The following NEK1 variants were observed in gnomAD, a reference collection of about 807,000 sequenced individuals.
NEK1 encodes NIMA related kinase 1.
Under a neutral mutation model 182.1 loss-of-function variants are expected in NEK1, and 137 were observed. That is an observed-to-expected ratio of 0.75 (90% CI 0.65 to 0.87). NEK1 has a LOEUF of 0.87. Ranked by LOEUF, NEK1 falls within the 40% of genes least tolerant of loss-of-function variation. The pLI is 0.00. For synonymous variants in NEK1, 513 were observed against 492.2 expected (o/e 1.04, Z -0.56); for missense variants, 1,391 against 1,494.4 (o/e 0.93, Z 1.14).
rs576206092 is a variant in NEK1, at chr4:169,570,559, G to A, written c.1020+6369C>T. On this transcript the variant is annotated intron_variant, in intron 12 of 35. Coordinates refer to ENST00000507142, the MANE Select transcript of NEK1 (RefSeq NM_001199397.3). ...TACCCGTCCGGGAGGGAGGTGGGGG[G>A]GTCAGCCCCCCGCCCGGCCAGCCGC... 3.7e-4 allele frequency among the ~76,000 whole-genome samples: 55 copies of A among 150,454 alleles called. 1 individual carries two copies. In the South Asian group the frequency reaches 7.6e-3, roughly 21 times the overall value.
At chr4:169,564,163 A>G (rs115520737) in intron 12 of NEK1, among the ~76,000 whole-genome samples, 8,359 of 152,178 alleles carry the variant, frequency 0.055, 282 homozygotes, top group South Asian at 0.1. Flanking sequence ...AATTTATAGA[A>G]AAGTTTAAGT....
intron 23 of NEK1, among the ~76,000 whole-genome samples, chr4:169,488,936 GCAA>G (rs1749546868): frequency 6.6e-6 from 1 of 151,990 alleles, no homozygotes; most frequent in South Asian, 2.1e-4. Context: ...TTTAGATAGA[GCAA>G]CATTAGAGAA....
chr4:169,530,883 A>C (rs1036053827), intron 19 of NEK1, among the ~76,000 whole-genome samples: 5 of 149,636 alleles, frequency 3.3e-5, no homozygotes, highest in African/African-American at 9.9e-5. Flanking sequence ...TATGCAAAAA[A>C]TGAGGTGCCA....
intron 27 of NEK1, among the ~76,000 whole-genome samples, chr4:169,459,936 T>C (rs1743642552): frequency 6.6e-6 from 1 of 152,186 alleles, no homozygotes; most frequent in African/African-American, 2.4e-5. Flanking sequence ...AATTCTTGTG[T>C]AATAATAGTG....
intron 32 of NEK1, among the ~76,000 whole-genome samples, chr4:169,402,351 AC>A (rs1731836132): frequency 6.6e-6 from 1 of 152,232 alleles, no homozygotes; most frequent in African/African-American, 2.4e-5. Context: ...GGGCATTTGA[AC>A]TTTTAGAAAT....
intron 23 of NEK1, among the ~76,000 whole-genome samples, chr4:169,481,733 T>C (rs913192434): frequency 1.3e-5 from 2 of 152,208 alleles, no homozygotes; most frequent in African/African-American, 4.8e-5. Context: ...AGCATAATTC[T>C]TAAGGGTCCT....
chr4:169,567,386 G>T (rs1034916546), intron 12 of NEK1, among the ~76,000 whole-genome samples: 2 of 149,420 alleles, frequency 1.3e-5, no homozygotes, highest in Admixed American at 6.6e-5. Flanking sequence ...CAGAAACTTA[G>T]TTTTAAGTGA....
chr4:169,407,919 G>A lies in NEK1; in HGVS notation c.3223-1172C>T, dbSNP rs190070637. The stretch of plus-strand genomic sequence containing the variant: ...TGTTCTCACACTCAAGGGAAAAATC[G>A]TTATGAACTACAAGTTGGTAAAAGT... On this transcript the variant is annotated intron_variant, in intron 31 of 35. Transcript: ENST00000507142. Among the ~76,000 whole-genome samples, 14 of 152,272 alleles carry A rather than the reference G, an allele frequency of 9.2e-5. No homozygotes were observed. The East Asian group carries it at 2.1e-3, about 23-fold the overall frequency.
chr4:169,479,330 T>C (rs1747550180), intron 24 of NEK1, 73 bp downstream of exon 24: 1 of 1,462,782 alleles, frequency 6.8e-7, no homozygotes, highest in African/African-American at 1.4e-5. Flanking sequence ...GGGATTAATG[T>C]GATTTCATTA....
At chr4:169,574,728 C>A (rs572094810) in intron 12 of NEK1, among the ~76,000 whole-genome samples, 4 of 151,860 alleles carry the variant, frequency 2.6e-5, no homozygotes, top group Non-Finnish European at 5.9e-5. Context: ...ATGGCAGGAT[C>A]AGGCAGCAGG....
intron 18 of NEK1, among the ~76,000 whole-genome samples, chr4:169,552,861 C>T (rs1761632339): frequency 6.6e-6 from 1 of 152,022 alleles, no homozygotes; most frequent in South Asian, 2.1e-4. Flanking sequence ...ACATGTAATA[C>T]ATAGGTTACA....
chr4:169,538,856 T>A (rs1316109135), intron 18 of NEK1, among the ~76,000 whole-genome samples: 1 of 152,166 alleles, frequency 6.6e-6, no homozygotes, highest in Non-Finnish European at 1.5e-5. Context: ...TGAGCACTTC[T>A]GATTTTCATA....
chr4:169,477,657 A>G (rs1245180347), intron 24 of NEK1, among the ~76,000 whole-genome samples, 160 bp from the exon 25 acceptor site: 1 of 152,032 alleles, frequency 6.6e-6, no homozygotes, highest in East Asian at 1.9e-4. Flanking sequence ...ATTATCAGCA[A>G]TGACTAACCT....
chr4:169,417,380 T>C (rs182393415), intron 31 of NEK1, among the ~76,000 whole-genome samples: 133 of 152,340 alleles, frequency 8.7e-4, no homozygotes, highest in African/African-American at 3.1e-3. Flanking sequence ...AGCATGGCTG[T>C]GATTTGACAT....
At chr4:169,498,138 T>C (rs553989932) in intron 23 of NEK1, among the ~76,000 whole-genome samples, 5 of 152,256 alleles carry the variant, frequency 3.3e-5, no homozygotes, top group African/African-American at 9.6e-5. Flanking sequence ...TCTTGTTGAA[T>C]TGATCCCTTT....
chr4:169,594,914 A>T (rs1443496232), intron 5 of NEK1, among the ~76,000 whole-genome samples: 1 of 152,206 alleles, frequency 6.6e-6, no homozygotes, highest in African/African-American at 2.4e-5. Context: ...AGCCCTTATC[A>T]AATCTATGTA....
intron 31 of NEK1, among the ~76,000 whole-genome samples, chr4:169,423,191 C>T (rs1735774526): frequency 6.6e-6 from 1 of 152,310 alleles, no homozygotes; most frequent in Non-Finnish European, 1.5e-5. Context: ...CAACCTCCAC[C>T]TCCCGGGTTC....
chr4:169,451,153 A>G (rs1322295097), intron 27 of NEK1, among the ~76,000 whole-genome samples: 1 of 152,228 alleles, frequency 6.6e-6, no homozygotes, highest in East Asian at 1.9e-4. Context: ...TTAGATACCT[A>G]CAAAGAGACT....
At chr4:169,507,245 T>A (rs182482755) in intron 22 of NEK1, 113 bp from the exon 23 acceptor site, 1 of 642,334 alleles carries the variant, frequency 1.6e-6, no homozygotes, top group African/African-American at 1.9e-5. Context: ...AAAAAAGAAG[T>A]GTGCATGTGG....
Sources: allele counts gnomAD v4.1 joint callset (sites outside exome capture counted in the v4.1 genomes callset), GRCh38; gene constraint gnomAD v4.1.1; transcripts MANE v1.5; gene names NCBI Gene and HGNC (gene_info 2026-07-23, HGNC 2026-07-21).